Variants in USP40 observed in about 807,000 individuals in gnomAD.
USP40 encodes ubiquitin specific peptidase 40, also known as ubiquitin carboxyl-terminal hydrolase 40.
USP40 carries 143 observed loss-of-function variants against 166.2 expected under a neutral mutation model. That is an observed-to-expected ratio of 0.86 (90% CI 0.75 to 0.99). The LOEUF is 0.99. Among genes scored for constraint, USP40 ranks in the 50% least tolerant of loss-of-function variants. USP40 has a pLI of 0.00. For synonymous variants in USP40, 498 were observed against 524.0 expected (o/e 0.95, Z 0.68); for missense variants, 1,444 against 1,479.7 (o/e 0.98, Z 0.40).
rs780869657 is a variant in USP40, at chr2:233,511,680, T to G, written c.2526+29A>C. 3 of 1,581,616 alleles carry G rather than the reference T, an allele frequency of 1.9e-6. No homozygotes were observed. The African/African-American group carries it at 4.0e-5, about 21-fold the overall frequency. On this transcript the variant is annotated intron_variant, in intron 20 of 31. Transcript: ENST00000678225. ...AATTCTGGTTATGGAAGGGTTGATT[T>G]TGTTTTGAAACAGGTGACCTTATTT... is the stretch of plus-strand genomic sequence containing the variant.
chr2:233,553,669 A>C (rs981620258), intron 6 of USP40, among the ~76,000 whole-genome samples: 2 of 152,078 alleles, frequency 1.3e-5, no homozygotes, highest in Non-Finnish European at 2.9e-5. Flanking sequence ...TTATCAAAGT[A>C]TCTCTTCTTT....
chr2:233,491,461 T>C, intron 25 of USP40, 200 bp from the exon 26 acceptor site: 2 of 587,318 alleles, frequency 3.4e-6, no homozygotes, highest in Non-Finnish European at 3.1e-6. Flanking sequence ...AAGAGGTCTG[T>C]GACACTTATG....
rs1283941286 is a variant in USP40, at chr2:233,480,928, G to A, written c.3599+275C>T. Among the ~76,000 whole-genome samples the A allele has an allele frequency of 1.3e-5, 2 of 152,178 alleles. No individual in the cohort carries two copies. The highest frequency in any genetic ancestry group is 2.9e-5 in the Non-Finnish European group (2 of 68,022). On this transcript the variant is annotated intron_variant, in intron 31 of 31. Transcript: ENST00000678225. This position sits in a 1 kb window ranked among gnomAD's most constrained non-coding sequence, Gnocchi z 4.5. Reference sequence around the variant, plus strand: ...CAGAGGGTGAGGCTGCGGGTGAGGAGGAAGGAGGGGGACCGGGGGGCCATG... The same window carrying A: ...CAGAGGGTGAGGCTGCGGGTGAGGAAGAAGGAGGGGGACCGGGGGGCCATG...
intron 18 of USP40, among the ~76,000 whole-genome samples, chr2:233,514,082 CTT>C (rs1198901760): frequency 1.3e-5 from 2 of 152,204 alleles, no homozygotes; most frequent in African/African-American, 4.8e-5. Flanking sequence ...AATACTGTCT[CTT>C]TAAAATCTGT....
intron 21 of USP40, among the ~76,000 whole-genome samples, chr2:233,502,620 C>T (rs900302590): frequency 6.6e-6 from 1 of 152,138 alleles, no homozygotes. Context: ...CAGTATCCCC[C>T]TCCCCAGAGA....
At chr2:233,498,744 T>C in intron 22 of USP40, 132 bp from the exon 23 acceptor site, 5 of 699,190 alleles carry the variant, frequency 7.2e-6, no homozygotes, top group East Asian at 5.5e-5. Flanking sequence ...TGGGCCTCCA[T>C]GTTAATGAAG....
intron 17 of USP40, among the ~76,000 whole-genome samples, chr2:233,520,301 T>A (rs2067563870): frequency 6.6e-6 from 1 of 152,136 alleles, no homozygotes; most frequent in Non-Finnish European, 1.5e-5. Flanking sequence ...CCAAAGTCTC[T>A]CACTTAGGGT....
intron 2 of USP40, among the ~76,000 whole-genome samples, chr2:233,563,920 T>C (rs2071898939): frequency 6.6e-6 from 1 of 152,204 alleles, no homozygotes; most frequent in African/African-American, 2.4e-5. Flanking sequence ...CACTTCACCA[T>C]CTTCCTCAGT....
intron 5 of USP40, 42 bp downstream of exon 5, chr2:233,556,813 T>C: frequency 1.3e-6 from 2 of 1,545,912 alleles, no homozygotes; most frequent in Non-Finnish European, 8.8e-7. Context: ...TGGATTATAA[T>C]TTACAACATA....
In USP40 at chr2:233,496,842, C is replaced by T. The variant is rs919718784; in HGVS notation, c.2716-10G>A. The T allele has an allele frequency of 6.2e-7, 1 of 1,609,778 alleles. No individual in the cohort carries two copies. Among genetic ancestry groups the T allele is most frequent in the African/African-American group, 1.3e-5 (1 of 74,724 alleles). On this transcript the variant is annotated splice_polypyrimidine_tract_variant and intron_variant, in intron 23 of 31. Transcript: ENST00000678225. ...CTTTCAGTGTTGCATCCTGGGAAGA[C>T]AAAAATGCTTTTTTGTCACTTATGA... is the stretch of plus-strand genomic sequence containing the variant.
intron 21 of USP40, among the ~76,000 whole-genome samples, chr2:233,508,160 G>T (rs2066559610): frequency 6.6e-6 from 1 of 152,058 alleles, no homozygotes; most frequent in African/African-American, 2.4e-5. Flanking sequence ...ATCTCTAAAA[G>T]ATATTTTTAA....
intron 10 of USP40, among the ~76,000 whole-genome samples, chr2:233,538,891 T>A (rs1161454076): frequency 6.6e-6 from 1 of 152,080 alleles, no homozygotes; most frequent in East Asian, 1.9e-4. Context: ...TAGCCAGGTG[T>A]GGCCAGGTGT....
chr2:233,524,895 T>G (rs2067908989), intron 14 of USP40, among the ~76,000 whole-genome samples: 2 of 152,164 alleles, frequency 1.3e-5, no homozygotes, highest in South Asian at 4.1e-4. Context: ...ATTGTGTGCT[T>G]CAAGTCTCTC....
At chr2:233,523,600 A>T (rs1255423402) in intron 15 of USP40, 111 bp from the exon 16 acceptor site, 10 of 1,098,534 alleles carry the variant, frequency 9.1e-6, no homozygotes, top group Non-Finnish European at 1.3e-5. Context: ...TCCAAGTAAA[A>T]TAAAATTTTC....
rs1215998580 is a variant in USP40, at chr2:233,493,598, G to A, written c.2791-47C>T. The stretch of plus-strand genomic sequence containing the variant: ...ACTGCTGTGATTACAAAGATTAAGT[G>A]AAACTCTACTTTTACTTCCATAGAA... On this transcript the variant is annotated intron_variant, in intron 24 of 31. Coordinates refer to ENST00000678225, the MANE Select transcript of USP40 (RefSeq NM_001365479.2). The surrounding 1 kb of genome is among the most constrained non-coding windows in gnomAD (Gnocchi z 4.7). The A allele has an allele frequency of 6.5e-7, 1 of 1,540,054 alleles. No individual in the cohort carries two copies. The highest frequency in any genetic ancestry group is 1.4e-5 in the African/African-American group (1 of 73,014).
At chr2:233,553,001 C>T (rs966051733) in intron 6 of USP40, among the ~76,000 whole-genome samples, 2 of 152,108 alleles carry the variant, frequency 1.3e-5, no homozygotes, top group Admixed American at 6.5e-5. Context: ...CATCACATCA[C>T]CCACAGCAGT....
intron 21 of USP40, among the ~76,000 whole-genome samples, chr2:233,500,934 T>C (rs1336261226): frequency 6.6e-6 from 1 of 152,174 alleles, no homozygotes; most frequent in Non-Finnish European, 1.5e-5. Context: ...CAGTGACTTC[T>C]AGAGAAAGGA....
intron 10 of USP40, among the ~76,000 whole-genome samples, chr2:233,536,711 C>T (rs1359889867): frequency 6.6e-6 from 1 of 152,048 alleles, no homozygotes; most frequent in Non-Finnish European, 1.5e-5. Context: ...ATCAAATGGT[C>T]GAATACATAC....
chr2:233,526,267 T>C (rs1454018071), intron 13 of USP40, among the ~76,000 whole-genome samples: 1 of 152,182 alleles, frequency 6.6e-6, no homozygotes, highest in Non-Finnish European at 1.5e-5. Context: ...TTAGTAGGCA[T>C]ATACACTTAA....
Sources: allele counts gnomAD v4.1 joint callset (sites outside exome capture counted in the v4.1 genomes callset), GRCh38; gene constraint gnomAD v4.1.1; non-coding constraint Gnocchi (gnomAD v3.1); transcripts MANE v1.5; gene names NCBI Gene and HGNC (gene_info 2026-07-23, HGNC 2026-07-21).